ZMIZ1: variants seen among roughly 807,000 people sequenced by gnomAD.
The protein encoded by ZMIZ1 is zinc finger MIZ-type containing 1, also known as zinc finger MIZ domain-containing protein 1.
Under a neutral mutation model 113.9 loss-of-function variants are expected in ZMIZ1, and 17 were observed. The observed-to-expected ratio is 0.15, with a 90% CI of 0.10 to 0.22. ZMIZ1 has a LOEUF of 0.22. ZMIZ1 is among the 10% of genes least tolerant of loss of function. The pLI is 1.00. For synonymous variants in ZMIZ1, 607 were observed against 603.1 expected (o/e 1.01, Z -0.09); for missense variants, 1,059 against 1,477.8 (o/e 0.72, Z 4.65).
At chr10:79,128,609 G>A (rs892457048) in intron 2 of ZMIZ1, among the ~76,000 whole-genome samples, 4 of 106 alleles carry the variant, frequency 0.038, no homozygotes, top group African/African-American at 0.062. Flanking sequence ...AATAGACCCT[G>A]GAACTCAATA....
intron 4 of ZMIZ1, among the ~76,000 whole-genome samples, chr10:79,177,470 C>T (rs1846921417): frequency 1.3e-5 from 2 of 152,190 alleles, no homozygotes; most frequent in Admixed American, 6.5e-5. Flanking sequence ...CACCCAGACC[C>T]GTTAGTCCTC....
chr10:79,246,040 A>C (rs983900322), intron 7 of ZMIZ1, among the ~76,000 whole-genome samples: 4 of 152,250 alleles, frequency 2.6e-5, no homozygotes, highest in Non-Finnish European at 4.4e-5. Flanking sequence ...CTGTTAGATA[A>C]AGAGACCTCC....
intron 3 of ZMIZ1, among the ~76,000 whole-genome samples, chr10:79,161,241 C>T (rs1402841270): frequency 6.6e-6 from 1 of 152,186 alleles, no homozygotes; most frequent in East Asian, 1.9e-4. Context: ...GCTCTTCTGC[C>T]TCCTCCTATT....
chr10:79,096,171 G>T (rs1458352769), intron 1 of ZMIZ1, among the ~76,000 whole-genome samples: 10 of 152,298 alleles, frequency 6.6e-5, no homozygotes, highest in Non-Finnish European at 1.5e-4. Context: ...AGGAGAGGGG[G>T]AGGAGATGAG....
At chr10:79,268,857 G>A (rs541158202) in intron 7 of ZMIZ1, among the ~76,000 whole-genome samples, 2 of 152,350 alleles carry the variant, frequency 1.3e-5, no homozygotes, top group Admixed American at 1.3e-4. Flanking sequence ...TGGAGATGGA[G>A]AGGAATGACA....
At chr10:79,080,712 C>T (rs1842631506) in intron 1 of ZMIZ1, among the ~76,000 whole-genome samples, 2 of 152,130 alleles carry the variant, frequency 1.3e-5, no homozygotes, top group African/African-American at 4.8e-5. Flanking sequence ...TTCCTCCCAC[C>T]TGGCCTGGGT....
chr10:79,296,506 C>T lies in ZMIZ1; in HGVS notation c.1266C>T (p.Ser422=). 1.2e-6 allele frequency: 2 copies of T among 1,614,090 alleles called. No homozygotes were observed. Among genetic ancestry groups the T allele is most frequent in the South Asian group, 2.2e-5 (2 of 91,090 alleles). ...NYGNQQYGPN[S]QFPTQPGQYP... ...GAAACCAGCAATATGGACCAAACAG[C>T]CAGTTCCCCACCCAGCCAGGCCAGT... The change falls in exon 13 of 25, where the codon AGC becomes AGT. Residue 422 remains serine (S), a synonymous_variant. Transcript: ENST00000334512. The surrounding 1 kb of genome is among the most constrained non-coding windows in gnomAD (Gnocchi z 4.1).
At chr10:79,285,360 T>TG in intron 8 of ZMIZ1, 1 of 417,140 alleles carries the variant, frequency 2.4e-6, no homozygotes, top group Non-Finnish European at 4.9e-6. Flanking sequence ...GTCCAAGGTG[T>TG]GCGGGACTCT....
chr10:79,210,970 G>A (rs1040984427), intron 6 of ZMIZ1, among the ~76,000 whole-genome samples: 6 of 152,152 alleles, frequency 3.9e-5, no homozygotes, highest in African/African-American at 1.4e-4. Context: ...ACTCTCCTGG[G>A]CCTCTGTTCC....
intron 7 of ZMIZ1, among the ~76,000 whole-genome samples, chr10:79,253,426 A>G (rs547648041): frequency 5.8e-4 from 89 of 152,266 alleles, no homozygotes; most frequent in Middle Eastern, 6.8e-3. Flanking sequence ...ACACATTCCA[A>G]TCCCCTTGGG....
At chr10:79,248,627 C>T (rs1225859965) in intron 7 of ZMIZ1, among the ~76,000 whole-genome samples, 2 of 152,184 alleles carry the variant, frequency 1.3e-5, no homozygotes, top group South Asian at 2.1e-4. Flanking sequence ...TTCAGGGTTC[C>T]TGTTTTGTGG....
chr10:79,132,809 G>A (rs1844829251), intron 2 of ZMIZ1, among the ~76,000 whole-genome samples: 1 of 152,040 alleles, frequency 6.6e-6, no homozygotes, highest in Non-Finnish European at 1.5e-5. Flanking sequence ...AGGGAAGATG[G>A]GCCCCTCACC....
intron 7 of ZMIZ1, among the ~76,000 whole-genome samples, chr10:79,218,923 G>A (rs1164660814): frequency 6.6e-6 from 1 of 152,090 alleles, no homozygotes; most frequent in Non-Finnish European, 1.5e-5. Context: ...CAGCAGCAGC[G>A]GAAACATTCA....
chr10:79,284,882 G>A (rs1256742553), intron 8 of ZMIZ1, among the ~76,000 whole-genome samples: 7 of 152,282 alleles, frequency 4.6e-5, no homozygotes, highest in East Asian at 3.9e-4. Flanking sequence ...TAAAGCAGAC[G>A]ATTTAGTGTA....
chr10:79,185,304 C>G (rs575929332), intron 4 of ZMIZ1, among the ~76,000 whole-genome samples: 16 of 152,220 alleles, frequency 1.1e-4, no homozygotes, highest in Non-Finnish European at 2.1e-4. Flanking sequence ...TCGGCAGCAT[C>G]CTGCCTTCTC....
rs771865438 is a variant in ZMIZ1, at chr10:79,098,152, T to C, written c.-336-20763T>C. 3.3e-5 allele frequency among the ~76,000 whole-genome samples: 5 copies of C among 152,316 alleles called. No individual in the cohort carries two copies. In the East Asian group the frequency reaches 9.7e-4, roughly 29 times the overall value. On this transcript the variant is annotated intron_variant, in intron 1 of 24. Transcript: ENST00000334512. ...GAGAAAATGGAAGCAGTGTGTGAGC[T>C]AGCCTGGAAGTGTCTTGCCAGGTAG...
At chr10:79,074,343 G>A (rs1004160050) in intron 1 of ZMIZ1, among the ~76,000 whole-genome samples, 2 of 152,190 alleles carry the variant, frequency 1.3e-5, no homozygotes, top group African/African-American at 4.8e-5. Flanking sequence ...GGGGGAATGA[G>A]GTGAAGGAGG....
chr10:79,242,352 C>G (rs570921907), intron 7 of ZMIZ1, among the ~76,000 whole-genome samples: 123 of 152,222 alleles, frequency 8.1e-4, no homozygotes, highest in African/African-American at 2.8e-3. Context: ...CAGGAACTCC[C>G]CGAAGTCGGG....
intron 24 of ZMIZ1, among the ~76,000 whole-genome samples, chr10:79,311,855 G>A (rs1300081426): frequency 2.6e-5 from 4 of 151,948 alleles, no homozygotes; most frequent in South Asian, 2.1e-4. Context: ...CACCGGCCCC[G>A]CCCATGCCTA....
Sources: allele counts gnomAD v4.1 joint callset (sites outside exome capture counted in the v4.1 genomes callset), GRCh38; gene constraint gnomAD v4.1.1; non-coding constraint Gnocchi (gnomAD v3.1); transcripts MANE v1.5; gene names NCBI Gene and HGNC (gene_info 2026-07-23, HGNC 2026-07-21).